The following SLC25A13 variants were observed in gnomAD, a reference collection of about 807,000 sequenced individuals.
SLC25A13 encodes the protein solute carrier family 25 member 13.
Under a neutral mutation model 85.5 loss-of-function variants are expected in SLC25A13, and 70 were observed. The observed-to-expected ratio is 0.82, with a 90% CI of 0.68 to 1.00. The LOEUF (loss-of-function observed/expected upper bound fraction) is 1.00, where lower values mean the gene tolerates loss of function less well. Ranked by LOEUF, SLC25A13 falls within the 50% of genes least tolerant of loss-of-function variation. SLC25A13 has a pLI of 0.00. For missense variants in SLC25A13, 765 were observed against 819.8 expected, an observed-to-expected ratio of 0.93 and a Z score of 0.82; for synonymous variants, 259 against 288.7, an observed-to-expected ratio of 0.90 and a Z score of 1.04.
At chr7:96,199,559 C>A (rs1269625763) in intron 5 of SLC25A13, among the ~76,000 whole-genome samples, 1 of 152,130 alleles carries the variant, frequency 6.6e-6, no homozygotes, top group Non-Finnish European at 1.5e-5. Flanking sequence ...CTTCCTATCA[C>A]CTAAGGCCAG....
At chr7:96,181,388 T>G (rs764177313) in intron 11 of SLC25A13, among the ~76,000 whole-genome samples, 1 of 152,244 alleles carries the variant, frequency 6.6e-6, no homozygotes, top group Non-Finnish European at 1.5e-5. Context: ...TGCAGCCAGC[T>G]GCGGGGGAGG....
intron 13 of SLC25A13, among the ~76,000 whole-genome samples, chr7:96,146,919 G>C (rs1295182777): frequency 6.6e-6 from 1 of 152,134 alleles, no homozygotes; most frequent in Non-Finnish European, 1.5e-5. Context: ...GGCTGAAGGA[G>C]GGCAAAGACC....
intron 10 of SLC25A13, 97 bp from the exon 11 acceptor site, chr7:96,184,532 T>C (rs527364728): frequency 8.5e-7 from 1 of 1,175,334 alleles, no homozygotes; most frequent in Non-Finnish European, 1.2e-6. Context: ...AGAAAAGAAA[T>C]GTGTTTTGAA....
chr7:96,274,279 T>C (rs1390274692), intron 3 of SLC25A13, among the ~76,000 whole-genome samples: 1 of 152,232 alleles, frequency 6.6e-6, no homozygotes, highest in African/African-American at 2.4e-5. Flanking sequence ...TATTTTTTCA[T>C]GTGTCTTTTG....
At chr7:96,270,068 T>C (rs1798178958) in intron 3 of SLC25A13, among the ~76,000 whole-genome samples, 2 of 152,236 alleles carry the variant, frequency 1.3e-5, no homozygotes, top group African/African-American at 4.8e-5. Context: ...ATATTGACTA[T>C]ACTTAATAAT....
intron 1 of SLC25A13, among the ~76,000 whole-genome samples, chr7:96,320,332 G>C (rs966525758): frequency 1.3e-5 from 2 of 152,218 alleles, no homozygotes; most frequent in African/African-American, 4.8e-5. Context: ...TATTACTCAA[G>C]TCTTATACTC....
In SLC25A13 at chr7:96,173,768, C is replaced by T. The variant is rs867960550; in HGVS notation, c.1178-2244G>A. Among the ~76,000 whole-genome samples, 42 of 152,276 alleles carry T rather than the reference C, an allele frequency of 2.8e-4. 1 individual carries two copies. Among genetic ancestry groups the T allele is most frequent in the Middle Eastern group, 3.4e-3 (1 of 294 alleles). On this transcript the variant is annotated intron_variant, in intron 11 of 17. Coordinates refer to ENST00000265631, the MANE Select transcript of SLC25A13 (RefSeq NM_014251.3). ...ATAACATCTAAGCCTGCTTCATCCC[C>T]AGGGCCACAGCTGACTGGACAATGT...
chr7:96,278,871 G>T (rs904334346), intron 2 of SLC25A13, among the ~76,000 whole-genome samples: 1 of 152,050 alleles, frequency 6.6e-6, no homozygotes, highest in East Asian at 1.9e-4. Context: ...AAATATAAAG[G>T]AAATATCACT....
chr7:96,273,904 A>G (rs1256262622), intron 3 of SLC25A13, among the ~76,000 whole-genome samples: 2 of 152,240 alleles, frequency 1.3e-5, no homozygotes, highest in African/African-American at 2.4e-5. Context: ...GCTTGCTGGC[A>G]TAAGTCTGTG....
chr7:96,290,208 TACAG>T (rs1799060950), intron 2 of SLC25A13, among the ~76,000 whole-genome samples: 1 of 152,164 alleles, frequency 6.6e-6, no homozygotes, highest in Non-Finnish European at 1.5e-5. Context: ...TAAAATACTT[TACAG>T]ACAAGCAAAT....
intron 5 of SLC25A13, among the ~76,000 whole-genome samples, chr7:96,201,260 A>G (rs1392237860): frequency 6.6e-6 from 1 of 152,148 alleles, no homozygotes; most frequent in East Asian, 1.9e-4. Flanking sequence ...CTGTAATCTC[A>G]GCACTTTGGG....
intron 2 of SLC25A13, among the ~76,000 whole-genome samples, chr7:96,286,473 T>C (rs893493587): frequency 1.1e-4 from 16 of 152,006 alleles, no homozygotes; most frequent in African/African-American, 3.9e-4. Flanking sequence ...CCTAAAAAGG[T>C]CTTCCATTGC....
At chr7:96,235,594 G>A (rs1359740020) in intron 3 of SLC25A13, among the ~76,000 whole-genome samples, 4 of 152,112 alleles carry the variant, frequency 2.6e-5, no homozygotes, top group South Asian at 2.1e-4. Flanking sequence ...TTGGATATGC[G>A]GTAATGGGTG....
chr7:96,124,536 C>T (rs974954953), intron 15 of SLC25A13, among the ~76,000 whole-genome samples: 1 of 152,162 alleles, frequency 6.6e-6, no homozygotes, highest in African/African-American at 2.4e-5. Context: ...CTTCTGAACG[C>T]TATTTAAAAC....
chr7:96,203,050 C>A (rs1795320131), intron 5 of SLC25A13, among the ~76,000 whole-genome samples: 1 of 152,186 alleles, frequency 6.6e-6, no homozygotes, highest in Admixed American at 6.5e-5. Flanking sequence ...ACCGGTCTCC[C>A]TCTCCTTGGT....
At chr7:96,144,724 C>T (rs757236928) in intron 14 of SLC25A13, among the ~76,000 whole-genome samples, 16 of 152,268 alleles carry the variant, frequency 1.1e-4, no homozygotes, top group Admixed American at 7.8e-4. Flanking sequence ...CCAACTACTT[C>T]CAAGAAGTGT....
At chr7:96,192,970 A>T in intron 6 of SLC25A13, 67 bp downstream of exon 6, 1 of 1,541,756 alleles carries the variant, frequency 6.5e-7, no homozygotes, top group Non-Finnish European at 9.0e-7. Flanking sequence ...CATAACTTAT[A>T]AGAATTGTTT....
intron 4 of SLC25A13, among the ~76,000 whole-genome samples, chr7:96,223,757 C>T (rs1796223396): frequency 6.8e-6 from 1 of 147,826 alleles, no homozygotes; most frequent in Non-Finnish European, 1.5e-5. Context: ...CACTGCACTC[C>T]AGCCGGGGCA....
chr7:96,152,586 C>T (rs115132444), intron 13 of SLC25A13, among the ~76,000 whole-genome samples: 7 of 152,034 alleles, frequency 4.6e-5, no homozygotes, highest in East Asian at 1.9e-4. Context: ...GTTGGAAAGA[C>T]GAATAATGAC....
Sources: gnomAD v4.1 joint callset for allele counts (sites outside exome capture counted in the v4.1 genomes callset) on GRCh38, gnomAD v4.1.1 for gene constraint, MANE v1.5 for transcripts, NCBI Gene and HGNC (gene_info 2026-07-23, HGNC 2026-07-21) for gene names.